Variants in SPTSSB observed in about 807,000 individuals in gnomAD.
SPTSSB encodes androgen down regulated in mouse prostate.
A neutral mutation model predicts 7.7 loss-of-function variants in SPTSSB; 6 were observed. The observed-to-expected ratio is 0.78, with a 90% CI of 0.43 to 1.54. The LOEUF is 1.54. Ranked by LOEUF, SPTSSB falls within the 40% of genes most tolerant of loss-of-function variation. SPTSSB has a pLI of 0.01. For synonymous variants in SPTSSB, 28 were observed against 29.7 expected (o/e 0.94, Z 0.19); for missense variants, 91 against 93.0 (o/e 0.98, Z 0.09).
rs146990426 is a variant in SPTSSB at position 161,346,782 on chromosome 3, A to T, written c.-32-427T>A. On this transcript the variant is annotated intron_variant, in intron 2 of 2. Transcript: ENST00000620149. ...TCATTATGAGTCAAATGGATAGAAT[A>T]GACAGTGAAGTAGGGAGAACAGCCA... 4.3e-3 allele frequency among the ~76,000 whole-genome samples: 659 copies of T among 152,282 alleles called. 3 individuals are homozygous for T. Among genetic ancestry groups the T allele is most frequent in the African/African-American group, 0.015 (631 of 41,552 alleles).
chr3:161,366,818 G>T (rs559288425), intron 1 of SPTSSB, among the ~76,000 whole-genome samples: 6 of 152,212 alleles, frequency 3.9e-5, no homozygotes, highest in Non-Finnish European at 7.3e-5. Context: ...TATTAATCCT[G>T]ATGAAAGCAA....
At chr3:161,358,144 T>A (rs1459796156) in intron 2 of SPTSSB, among the ~76,000 whole-genome samples, 2 of 150,014 alleles carry the variant, frequency 1.3e-5, no homozygotes, top group African/African-American at 4.9e-5. Context: ...GCTTCCCAAG[T>A]AGGTGGGAAT....
chr3:161,371,148 G>T lies in SPTSSB; in HGVS notation c.-126+287C>A, dbSNP rs200278613. Among the ~76,000 whole-genome samples the T allele has an allele frequency of 2.0e-4, 30 of 152,258 alleles. No homozygotes were observed. The East Asian group carries it at 5.6e-3, about 28-fold the overall frequency. On this transcript the variant is annotated intron_variant, in intron 1 of 2. Coordinates refer to ENST00000620149, the MANE Select transcript of SPTSSB (RefSeq NM_001040100.2). ...ATGATATTTTCCTGAGTCGTTAATGGACTACACGAAGGTAAATAGTGAAAA... is the reference window on the plus strand; with the variant it reads ...ATGATATTTTCCTGAGTCGTTAATGTACTACACGAAGGTAAATAGTGAAAA...
intron 2 of SPTSSB, 49 bp from the exon 3 acceptor site, chr3:161,346,404 C>T: frequency 1.0e-6 from 1 of 974,096 alleles, no homozygotes; most frequent in Non-Finnish European, 1.6e-6. Flanking sequence ...AACATAGAAT[C>T]ACTTTAAAAT....
At chr3:161,365,265 A>G (rs1231390580) in intron 1 of SPTSSB, among the ~76,000 whole-genome samples, 1 of 152,240 alleles carries the variant, frequency 6.6e-6, no homozygotes, top group African/African-American at 2.4e-5. Context: ...CACTCAGTCA[A>G]GTATTTAGCA....
At chr3:161,356,316 G>A (rs1576898148) in intron 2 of SPTSSB, among the ~76,000 whole-genome samples, 2 of 152,304 alleles carry the variant, frequency 1.3e-5, no homozygotes, top group Middle Eastern at 3.4e-3. Context: ...TTAAGAGCTA[G>A]AAGCCTGACC....
intron 2 of SPTSSB, among the ~76,000 whole-genome samples, chr3:161,350,225 C>T (rs1243440765): frequency 2.0e-5 from 3 of 151,990 alleles, no homozygotes; most frequent in Non-Finnish European, 2.9e-5. Flanking sequence ...ATGAAAGAGG[C>T]GTAGCAGGTG....
At chr3:161,369,549 CTA>C (rs1488435666) in intron 1 of SPTSSB, among the ~76,000 whole-genome samples, 9 of 151,728 alleles carry the variant, frequency 5.9e-5, no homozygotes, top group Admixed American at 5.9e-4. Context: ...GGAGAAATGT[CTA>C]TTCAAATTTT....
At chr3:161,358,111 G>A (rs897155986) in intron 2 of SPTSSB, among the ~76,000 whole-genome samples, 3 of 148,264 alleles carry the variant, frequency 2.0e-5, no homozygotes, top group African/African-American at 7.5e-5. Context: ...AACTCCTGGA[G>A]TCAAGTGATC....
intron 1 of SPTSSB, among the ~76,000 whole-genome samples, chr3:161,360,650 T>C (rs1283064820): frequency 6.6e-6 from 1 of 152,186 alleles, no homozygotes; most frequent in Non-Finnish European, 1.5e-5. Context: ...TTTGTCCATA[T>C]GAATTAAGTT....
Position 161,345,362 on chromosome 3 carries a change from C to T in SPTSSB, c.*731G>A, listed in dbSNP as rs1304705911. ...CAGCATCATGCAAGGCAAGGCAACA[C>T]CACAAATACAATAACTGAATTTACT... On this transcript the variant is annotated 3_prime_UTR_variant, in exon 3 of 3. Transcript: ENST00000620149. 2 of 152,548 alleles carry T rather than the reference C, an allele frequency of 1.3e-5. No homozygotes were observed. The highest frequency in any genetic ancestry group is 2.9e-5 in the Non-Finnish European group (2 of 68,022). 9.4% of individuals were successfully genotyped at this position (152,548 alleles called of 1,614,324 possible).
chr3:161,366,850 C>T (rs1309429394), intron 1 of SPTSSB, among the ~76,000 whole-genome samples: 1 of 152,036 alleles, frequency 6.6e-6, no homozygotes, highest in Non-Finnish European at 1.5e-5. Flanking sequence ...TAACTATAAT[C>T]AAGTTTTTTC....
At chr3:161,351,299 G>A (rs1417893418) in intron 2 of SPTSSB, among the ~76,000 whole-genome samples, 2 of 152,182 alleles carry the variant, frequency 1.3e-5, no homozygotes, top group Non-Finnish European at 2.9e-5. Flanking sequence ...GGAACTCCCT[G>A]TATTGTCTTC....
chr3:161,361,216 T>C (rs1288177896), intron 1 of SPTSSB, among the ~76,000 whole-genome samples: 2 of 152,220 alleles, frequency 1.3e-5, no homozygotes, highest in East Asian at 3.9e-4. Context: ...TGTTGTTTTG[T>C]TTGCAGAGGT....
chr3:161,346,035 C>T lies in SPTSSB; in HGVS notation c.*58G>A. ...AGGAAGACACAATAGTTACCTAAAT[C>T]AATAAGCTGTAAGCAACATATAAAT... is the stretch of plus-strand genomic sequence containing the variant. On this transcript the variant is annotated 3_prime_UTR_variant, in exon 3 of 3. Coordinates refer to ENST00000620149, the MANE Select transcript of SPTSSB (RefSeq NM_001040100.2). The T allele has an allele frequency of 1.1e-6, 1 of 894,504 alleles. No individual in the cohort carries two copies. The highest frequency in any genetic ancestry group is 1.8e-6 in the Non-Finnish European group (1 of 546,174). The allele number at this position is 894,504 out of a possible 1,614,324, so 55.4% of individuals were successfully genotyped here.
chr3:161,353,327 G>A (rs984871580), intron 2 of SPTSSB, among the ~76,000 whole-genome samples: 3 of 152,020 alleles, frequency 2.0e-5, no homozygotes, highest in African/African-American at 7.3e-5. Flanking sequence ...GAGTCTTTGT[G>A]GAATATAACA....
chr3:161,349,454 T>A (rs1228922269), intron 2 of SPTSSB, among the ~76,000 whole-genome samples: 1 of 152,228 alleles, frequency 6.6e-6, no homozygotes, highest in Admixed American at 6.5e-5. Context: ...GACCTAGTGC[T>A]GTATCTCAGC....
At chr3:161,370,417 T>C (rs1266778475) in intron 1 of SPTSSB, among the ~76,000 whole-genome samples, 1 of 152,236 alleles carries the variant, frequency 6.6e-6, no homozygotes, top group Non-Finnish European at 1.5e-5. Flanking sequence ...TAGTTATCTA[T>C]GTACAAAGCC....
intron 1 of SPTSSB, among the ~76,000 whole-genome samples, chr3:161,364,853 TG>T (rs1715154986): frequency 6.6e-6 from 1 of 152,144 alleles, no homozygotes; most frequent in African/African-American, 2.4e-5. Context: ...AAAGTTGCTT[TG>T]GGCATGACAT....
Sources: gnomAD v4.1 joint callset for allele counts (sites outside exome capture counted in the v4.1 genomes callset) on GRCh38, gnomAD v4.1.1 for gene constraint, MANE v1.5 for transcripts, NCBI Gene and HGNC (gene_info 2026-07-23, HGNC 2026-07-21) for gene names.